The following CWC27 variants were observed in gnomAD, a reference collection of about 807,000 sequenced individuals.
CWC27 encodes the protein CWC27 spliceosome associated cyclophilin.
A neutral mutation model predicts 63.6 loss-of-function variants in CWC27; 47 were observed. That is an observed-to-expected ratio of 0.74 (90% CI 0.58 to 0.94). The LOEUF is 0.94. Among genes scored for constraint, CWC27 ranks in the 40% least tolerant of loss-of-function variants. The pLI is 0.00. For missense variants in CWC27, 495 were observed against 554.3 expected (o/e 0.89, Z 1.07); for synonymous variants, 175 against 179.8 (o/e 0.97, Z 0.22).
intron 10 of CWC27, among the ~76,000 whole-genome samples, chr5:64,842,465 G>T (rs1265609357): frequency 6.6e-6 from 1 of 151,886 alleles, no homozygotes; most frequent in Non-Finnish European, 1.5e-5. Context: ...CACCATGCTG[G>T]CTAATTTTTT....
intron 11 of CWC27, among the ~76,000 whole-genome samples, chr5:64,900,878 T>C (rs544256206): frequency 2.6e-5 from 4 of 152,316 alleles, no homozygotes; most frequent in East Asian, 1.9e-4. Flanking sequence ...CTAGGCTATA[T>C]GGTGTGGCCC....
chr5:64,777,128 G>A (rs2112149944), intron 2 of CWC27, among the ~76,000 whole-genome samples: 1 of 152,162 alleles, frequency 6.6e-6, no homozygotes, highest in Non-Finnish European at 1.5e-5. Context: ...AGACAAGTGG[G>A]GAGCAGAGGG....
intron 11 of CWC27, among the ~76,000 whole-genome samples, chr5:64,932,040 G>A (rs2112403210): frequency 6.6e-6 from 1 of 151,988 alleles, no homozygotes; most frequent in Non-Finnish European, 1.5e-5. Context: ...GCTGGGTGTG[G>A]GTAGTTATCG....
chr5:64,866,900 G>A (rs1325804708), intron 10 of CWC27, among the ~76,000 whole-genome samples: 1 of 151,996 alleles, frequency 6.6e-6, no homozygotes, highest in East Asian at 1.9e-4. Context: ...ATAGATTAGA[G>A]CCCACACCTT....
intron 2 of CWC27, among the ~76,000 whole-genome samples, chr5:64,780,694 C>T (rs1483332858): frequency 2.0e-5 from 1 of 48,864 alleles, no homozygotes; most frequent in Non-Finnish European, 5.5e-5. Context: ...CACGCGCACA[C>T]GCGCGCACAC....
At chr5:64,847,446 TTC>T (rs1305180950) in intron 10 of CWC27, among the ~76,000 whole-genome samples, 1 of 152,202 alleles carries the variant, frequency 6.6e-6, no homozygotes, top group Admixed American at 6.5e-5. Flanking sequence ...AACAGGGGAC[TTC>T]TATACCTCAC....
intron 11 of CWC27, among the ~76,000 whole-genome samples, chr5:64,904,024 CTA>C (rs144487321): frequency 0.076 from 11,612 of 152,160 alleles, 1,450 homozygotes; most frequent in African/African-American, 0.26. Context: ...ATGAATAATG[CTA>C]TACAGTGAAC....
chr5:64,845,917 T>G (rs1348476190), intron 10 of CWC27, among the ~76,000 whole-genome samples: 1 of 151,804 alleles, frequency 6.6e-6, no homozygotes, highest in Non-Finnish European at 1.5e-5. Context: ...CACAGAGGAG[T>G]ACACCAAGGC....
intron 11 of CWC27, among the ~76,000 whole-genome samples, chr5:64,919,434 G>A (rs1747954329): frequency 6.6e-6 from 1 of 152,118 alleles, no homozygotes; most frequent in African/African-American, 2.4e-5. Context: ...TTGAGGCTTG[G>A]TGTACACATG....
chr5:64,899,734 G>C (rs1010370458), intron 11 of CWC27, among the ~76,000 whole-genome samples: 4 of 152,156 alleles, frequency 2.6e-5, no homozygotes, highest in Non-Finnish European at 4.4e-5. Context: ...GACATGTTTT[G>C]ACGTATGTCT....
intron 11 of CWC27, among the ~76,000 whole-genome samples, chr5:64,887,713 T>G (rs1211659152): frequency 6.6e-6 from 1 of 152,164 alleles, no homozygotes; most frequent in Non-Finnish European, 1.5e-5. Flanking sequence ...CATGGTATCA[T>G]TTTTAATCAT....
At chr5:64,863,106 C>T (rs962803038) in intron 10 of CWC27, among the ~76,000 whole-genome samples, 1 of 152,130 alleles carries the variant, frequency 6.6e-6, no homozygotes, top group East Asian at 1.9e-4. Flanking sequence ...TTTTCTCATA[C>T]CTTTGACTTG....
chr5:64,984,819 C>T (rs149933039), intron 13 of CWC27, among the ~76,000 whole-genome samples: 3 of 152,034 alleles, frequency 2.0e-5, no homozygotes, highest in Non-Finnish European at 1.5e-5. Flanking sequence ...GATTTATTTC[C>T]TTTTACAGGT....
At chr5:64,867,948 GCT>G (rs1491224071) in intron 10 of CWC27, among the ~76,000 whole-genome samples, 1 of 146,610 alleles carries the variant, frequency 6.8e-6, no homozygotes, top group African/African-American at 2.5e-5. Context: ...TGGGGGGGGG[GCT>G]GTTGTTGTTG....
At chr5:64,881,946 C>T (rs772969818) in intron 10 of CWC27, among the ~76,000 whole-genome samples, 9 of 152,070 alleles carry the variant, frequency 5.9e-5, no homozygotes, top group Non-Finnish European at 8.8e-5. Flanking sequence ...TACAAAGTAG[C>T]ATAATAAAAA....
intron 10 of CWC27, among the ~76,000 whole-genome samples, chr5:64,849,913 A>G (rs374346589): frequency 1.3e-5 from 2 of 152,162 alleles, no homozygotes; most frequent in African/African-American, 4.8e-5. Flanking sequence ...CTGTGAGTCA[A>G]TTAAACCTCT....
chr5:64,769,146 G>A lies in CWC27; in HGVS notation c.-1G>A, dbSNP rs1743145449. ...GAGCAGAGTCCTTTGTACTGACCAA[G>A]ATGAGCAACATCTACATCCAGGAGC... is the stretch of plus-strand genomic sequence containing the variant. On this transcript the variant is annotated 5_prime_UTR_variant, in exon 1 of 14. Coordinates refer to ENST00000381070, the MANE Select transcript of CWC27 (RefSeq NM_005869.4). The A allele has an allele frequency of 4.3e-6, 7 of 1,614,080 alleles. No individual in the cohort carries two copies. The highest frequency in any genetic ancestry group is 5.9e-6 in the Non-Finnish European group (7 of 1,179,986).
chr5:65,004,907 C>CATATATATATATATAT (rs1442245363), intron 13 of CWC27, among the ~76,000 whole-genome samples: 2 of 56,964 alleles, frequency 3.5e-5, no homozygotes, highest in East Asian at 5.5e-4. Flanking sequence ...TATATATATA[C>CATATATATATATATAT]ATACACACAC....
At chr5:64,935,097 C>G (rs149392464) in intron 11 of CWC27, among the ~76,000 whole-genome samples, 1,655 of 152,292 alleles carry the variant, frequency 0.011, 24 homozygotes, top group African/African-American at 0.038. Flanking sequence ...TGCAGAAGCT[C>G]TTTAGTTTAA....
Sources: allele counts gnomAD v4.1 joint callset (sites outside exome capture counted in the v4.1 genomes callset), GRCh38; gene constraint gnomAD v4.1.1; transcripts MANE v1.5; gene names NCBI Gene and HGNC (gene_info 2026-07-23, HGNC 2026-07-21).